The following TSPAN7 variants were observed in gnomAD, a reference collection of about 807,000 sequenced individuals.
The protein encoded by TSPAN7 is tetraspanin 7.
TSPAN7 carries 1 observed loss-of-function variant against 17.6 expected under a neutral mutation model. The ratio of observed to expected loss-of-function variants is 0.06; its 90% CI spans 0.02 to 0.27. The LOEUF (loss-of-function observed/expected upper bound fraction) is 0.27, where lower values mean the gene tolerates loss of function less well. Ranked by LOEUF, TSPAN7 falls within the 10% of genes least tolerant of loss-of-function variation. The probability of loss-of-function intolerance (pLI) is 1.00; values close to 1 mark genes in which losing one functional copy is unlikely to be tolerated. For missense variants in TSPAN7, 112 were observed against 201.7 expected (o/e 0.56, Z 2.69); for synonymous variants, 78 against 79.0 (o/e 0.99, Z 0.07).
At chrX:38,588,099 G>T (rs565506511) in intron 1 of TSPAN7, among the ~76,000 whole-genome samples, 6 of 111,018 alleles carry the variant, frequency 5.4e-5, no homozygotes, top group African/African-American at 9.8e-5. Context: ...TGATAAGTGT[G>T]TCTATCTGCT....
chrX:38,679,112 A>C (rs1569316464), intron 5 of TSPAN7, among the ~76,000 whole-genome samples: 1 of 112,424 alleles, frequency 8.9e-6, no homozygotes. Context: ...GAGTGGCCTT[A>C]CCAAAAATAA....
chrX:38,561,648 G>A (rs1397643122), intron 1 of TSPAN7, 21 bp downstream of exon 1: 5 of 1,170,065 alleles, frequency 4.3e-6, no homozygotes, highest in East Asian at 3.0e-5. Flanking sequence ...ACGCCGGGCC[G>A]GTGGCCGAGT....
At chrX:38,597,618 ATGT>A (rs752456803) in intron 1 of TSPAN7, among the ~76,000 whole-genome samples, 151 of 111,778 alleles carry the variant, frequency 1.4e-3, no homozygotes, top group South Asian at 4.1e-3. Context: ...GGTAACAAAA[ATGT>A]TGTGACCAGA....
chrX:38,574,621 A>C (rs1324218510), intron 1 of TSPAN7, among the ~76,000 whole-genome samples: 1 of 111,675 alleles, frequency 9.0e-6, no homozygotes, highest in Non-Finnish European at 1.9e-5. Context: ...ATTTAGTATC[A>C]TAAAAATATC....
At chrX:38,680,841 T>C (rs1025458179) in intron 5 of TSPAN7, among the ~76,000 whole-genome samples, 4 of 111,665 alleles carry the variant, frequency 3.6e-5, no homozygotes, top group African/African-American at 9.8e-5. Context: ...AGTGTTTGCT[T>C]CATAGATCTT....
chrX:38,666,875 C>T (rs2069785816), intron 2 of TSPAN7, among the ~76,000 whole-genome samples: 1 of 112,027 alleles, frequency 8.9e-6, no homozygotes, highest in African/African-American at 3.2e-5. Context: ...GCTGGGATTA[C>T]AGGCTTGAGC....
At chrX:38,673,961 G>A (rs1190887672) in intron 3 of TSPAN7, among the ~76,000 whole-genome samples, 1 of 111,544 alleles carries the variant, frequency 9.0e-6, no homozygotes, top group Non-Finnish European at 1.9e-5. Flanking sequence ...GAAATGGACA[G>A]GCCCCTCCAG....
chrX:38,590,770 G>A (rs1032425694), intron 1 of TSPAN7, among the ~76,000 whole-genome samples: 1 of 111,297 alleles, frequency 9.0e-6, no homozygotes, highest in Non-Finnish European at 1.9e-5. Flanking sequence ...ATAGATTCTA[G>A]GTTGATAGTT....
At chrX:38,591,324 A>G (rs1051377363) in intron 1 of TSPAN7, among the ~76,000 whole-genome samples, 1 of 111,270 alleles carries the variant, frequency 9.0e-6, no homozygotes, top group African/African-American at 3.3e-5. Context: ...TCATTTTCAA[A>G]TGGAGATTTT....
chrX:38,664,138 A>G (rs1300941420), intron 1 of TSPAN7, among the ~76,000 whole-genome samples: 1 of 112,600 alleles, frequency 8.9e-6, no homozygotes, highest in East Asian at 2.8e-4. Flanking sequence ...CCCATTTTAA[A>G]TCACCTCGCA....
intron 1 of TSPAN7, among the ~76,000 whole-genome samples, chrX:38,631,405 C>G (rs2069550278): frequency 9.0e-6 from 1 of 111,245 alleles, no homozygotes; most frequent in Non-Finnish European, 1.9e-5. Context: ...AGTTTGCAAA[C>G]TTGAGAAATG....
At chrX:38,575,874 G>C (rs1315954340) in intron 1 of TSPAN7, among the ~76,000 whole-genome samples, 1 of 112,038 alleles carries the variant, frequency 8.9e-6, no homozygotes, top group Admixed American at 9.4e-5. Context: ...AAAAAAGTCT[G>C]TTTACTTTCT....
In TSPAN7 at chrX:38,624,948, C is replaced by G. The variant is rs181858529; in HGVS notation, c.82-41173C>G. 8.9e-4 allele frequency among the ~76,000 whole-genome samples: 100 copies of G among 112,545 alleles called. 1 individual carries two copies. Among genetic ancestry groups the G allele is most frequent in the Admixed American group, 5.4e-3 (58 of 10,701 alleles). ...AGTTTCTACAATGAAGTCTTGAAAGCAGTTTGCAGAGGTCTGTCCTAATTT... is the reference window on the plus strand; with the variant it reads ...AGTTTCTACAATGAAGTCTTGAAAGGAGTTTGCAGAGGTCTGTCCTAATTT... On this transcript the variant is annotated intron_variant, in intron 1 of 7. Coordinates refer to ENST00000378482, the MANE Select transcript of TSPAN7 (RefSeq NM_004615.4).
At chrX:38,641,144 T>C (rs1302880180) in intron 1 of TSPAN7, among the ~76,000 whole-genome samples, 1 of 111,985 alleles carries the variant, frequency 8.9e-6, no homozygotes, top group East Asian at 2.8e-4. Context: ...GTACACAACC[T>C]CCCAGTGGGA....
chrX:38,652,453 T>C (rs1199753549), intron 1 of TSPAN7, among the ~76,000 whole-genome samples: 2 of 112,042 alleles, frequency 1.8e-5, no homozygotes, highest in Admixed American at 1.9e-4. Context: ...GGCAACCCAC[T>C]CCATTTTGGG....
At chrX:38,603,845 ATTTT>A (rs1380752029) in intron 1 of TSPAN7, among the ~76,000 whole-genome samples, 2 of 106,349 alleles carry the variant, frequency 1.9e-5, no homozygotes, top group Non-Finnish European at 3.9e-5. Context: ...TTTCTTTTGT[ATTTT>A]TATTTATTTA....
Position 38,687,614 on chromosome X carries a change from C to T in TSPAN7, c.697C>T (p.Leu233=). ...CTGGCAACAGTTAATTGGCATGCTG[C>T]TGGCCTGCTGTCTGTCCCGGTTCAT... The part of the protein sequence containing the change: ...IAFSQLIGML[L]ACCLSRFITA... The change falls in exon 7 of 8, where the codon CTG becomes TTG. Residue 233 remains leucine (L), a synonymous_variant. Transcript: ENST00000378482. 3 of 1,211,051 alleles carry T rather than the reference C, an allele frequency of 2.5e-6. No individual in the cohort carries two copies. The highest frequency in any genetic ancestry group is 3.4e-6 in the Non-Finnish European group (3 of 895,163).
intron 1 of TSPAN7, among the ~76,000 whole-genome samples, chrX:38,606,282 A>T (rs778577811): frequency 1.8e-5 from 2 of 112,454 alleles, no homozygotes; most frequent in Admixed American, 1.9e-4. Flanking sequence ...AAATGAATTT[A>T]ATATTTTAAA....
Position 38,667,179 on chromosome X carries a change from G to C in TSPAN7, c.270+870G>C, listed in dbSNP as rs774566516. On this transcript the variant is annotated intron_variant, in intron 2 of 7. Transcript: ENST00000378482. ...TGTCAAGTGTTGGCTACCAGGACCA[G>C]TGCAGGGTGCATACTCTCATGGGAC... Among the ~76,000 whole-genome samples the C allele has an allele frequency of 9.0e-5, 10 of 111,693 alleles. No homozygotes were observed. In the South Asian group the frequency reaches 2.3e-3, roughly 25 times the overall value.
Sources: gnomAD v4.1 joint callset for allele counts (sites outside exome capture counted in the v4.1 genomes callset) on GRCh38, gnomAD v4.1.1 for gene constraint, MANE v1.5 for transcripts, NCBI Gene and HGNC (gene_info 2026-07-23, HGNC 2026-07-21) for gene names.